TCF20: variants seen among roughly 807,000 people sequenced by gnomAD.
TCF20 encodes SPRE-binding protein.
Under a neutral mutation model 148.6 loss-of-function variants are expected in TCF20, and 3 were observed. The ratio of observed to expected loss-of-function variants is 0.02; its 90% confidence interval spans 0.01 to 0.05. The LOEUF (loss-of-function observed/expected upper bound fraction) is 0.05, where lower values mean the gene tolerates loss of function less well. TCF20 is among the 10% of genes least tolerant of loss of function. The pLI is 1.00. For missense variants in TCF20, 2,350 were observed against 2,429.3 expected (o/e 0.97, Z 0.69); for synonymous variants, 1,049 against 909.5 (o/e 1.15, Z -2.76).
intron 1 of TCF20, among the ~76,000 whole-genome samples, chr22:42,243,661 T>C (rs564270698): frequency 1.3e-5 from 2 of 152,200 alleles, no homozygotes; most frequent in African/African-American, 4.8e-5. Context: ...AAAATATCAA[T>C]ACTGTATATC....
At chr22:42,343,002 T>C (rs1423630703) in intron 1 of TCF20, among the ~76,000 whole-genome samples, 3 of 152,204 alleles carry the variant, frequency 2.0e-5, no homozygotes, top group East Asian at 1.9e-4. Flanking sequence ...AGAGCAAGGC[T>C]GAAATAAAAA....
At chr22:42,332,770 G>A (rs1169305108) in intron 1 of TCF20, among the ~76,000 whole-genome samples, 4 of 152,212 alleles carry the variant, frequency 2.6e-5, no homozygotes, top group Non-Finnish European at 4.4e-5. Flanking sequence ...GCCCCGCACA[G>A]CCAATTTCTG....
At chr22:42,244,906 C>T (rs1924776930) in intron 1 of TCF20, among the ~76,000 whole-genome samples, 1 of 145,878 alleles carries the variant, frequency 6.9e-6, no homozygotes, top group Non-Finnish European at 1.5e-5. Flanking sequence ...ATGGCGAAAC[C>T]CCATCTCTAC....
chr22:42,197,727 G>A (rs1300840209), intron 2 of TCF20, among the ~76,000 whole-genome samples: 2 of 152,154 alleles, frequency 1.3e-5, no homozygotes, highest in African/African-American at 4.8e-5. Flanking sequence ...TTCAGGCTAT[G>A]AGAAATAGGT....
chr22:42,225,602 C>CA (rs1213968620), intron 1 of TCF20, among the ~76,000 whole-genome samples: 2 of 128,038 alleles, frequency 1.6e-5, no homozygotes, highest in African/African-American at 6.1e-5. Context: ...GCCTGGGCGA[C>CA]AGAGCGAGAC....
At chr22:42,181,338 C>T (rs1227613203) in intron 2 of TCF20, among the ~76,000 whole-genome samples, 1 of 152,088 alleles carries the variant, frequency 6.6e-6, no homozygotes, top group Non-Finnish European at 1.5e-5. Flanking sequence ...CGTATGCCAC[C>T]ACGCCAGGCT....
upstream of TCF20, among the ~76,000 whole-genome samples, chr22:42,271,814 C>T (rs1323947651): frequency 6.6e-6 from 1 of 152,200 alleles, no homozygotes; most frequent in Non-Finnish European, 1.5e-5. Context: ...GTGCTTCCGG[C>T]AGCAGGTGGG....
At chr22:42,311,324 G>C (rs1927533370) in intron 1 of TCF20, among the ~76,000 whole-genome samples, 1 of 152,264 alleles carries the variant, frequency 6.6e-6, no homozygotes, top group African/African-American at 2.4e-5. Flanking sequence ...AGGGGACTGG[G>C]GGGAAGGGCA....
chr22:42,216,303 T>A (rs2147229783), intron 1 of TCF20, among the ~76,000 whole-genome samples: 1 of 152,198 alleles, frequency 6.6e-6, no homozygotes, highest in East Asian at 1.9e-4. Flanking sequence ...GTTTTAACAC[T>A]GGCTGCTGAT....
intron 1 of TCF20, among the ~76,000 whole-genome samples, chr22:42,235,297 C>T (rs191397000): frequency 5.8e-4 from 89 of 152,270 alleles, no homozygotes; most frequent in Non-Finnish European, 1.1e-3. Context: ...CTGTCTTTCC[C>T]AAGAGATTTG....
chr22:42,222,149 T>G (rs1922437893), intron 1 of TCF20, among the ~76,000 whole-genome samples: 1 of 152,226 alleles, frequency 6.6e-6, no homozygotes, highest in Admixed American at 6.5e-5. Context: ...TGTAATCATT[T>G]CTAAAAGACA....
At chr22:42,332,974 T>C (rs542218078) in intron 1 of TCF20, among the ~76,000 whole-genome samples, 2 of 152,306 alleles carry the variant, frequency 1.3e-5, no homozygotes, top group Admixed American at 1.3e-4. Context: ...GGGGATGTTC[T>C]AGGTCTGGAT....
intron 3 of TCF20, among the ~76,000 whole-genome samples, chr22:42,174,226 A>G (rs1317246648): frequency 6.6e-6 from 1 of 152,210 alleles, no homozygotes; most frequent in Non-Finnish European, 1.5e-5. Context: ...TACATTAAAA[A>G]AAAAAATTCA....
chr22:42,213,323 T>C lies in TCF20; in HGVS notation c.1983A>G (p.Gly661=). ...SLPQPEPPGG[G]GSKGNKNGDN... is the part of the protein sequence containing the mutation. ...CGCCATTCTTGTTTCCTTTGCTCCC[T>C]CCTCCTCCTGGAGGCTCTGGCTGGG... The change falls in exon 2 of 6, where the codon GGA becomes GGG. Residue 661 remains glycine, a synonymous_variant. Coordinates refer to ENST00000677622, the MANE Select transcript of TCF20 (RefSeq NM_001378418.1). 1 of 1,614,154 alleles carries C rather than the reference T, an allele frequency of 6.2e-7. No individual in the cohort carries two copies. The highest frequency in any genetic ancestry group is 1.3e-5 in the African/African-American group (1 of 75,034).
At chr22:42,324,205 A>ATGGTGGTGG (rs200276389) in intron 1 of TCF20, among the ~76,000 whole-genome samples, 1 of 122,444 alleles carries the variant, frequency 8.2e-6, no homozygotes. Flanking sequence ...GGTGGAGGTT[A>ATGGTGGTGG]TGGTGGAGGT....
At chr22:42,188,820 A>G (rs541843824) in intron 2 of TCF20, among the ~76,000 whole-genome samples, 43 of 152,342 alleles carry the variant, frequency 2.8e-4, no homozygotes, top group Non-Finnish European at 5.1e-4. Flanking sequence ...TGGGGAGCCA[A>G]AAGTTCACCT....
At chr22:42,245,419 A>G (rs111566452) in intron 1 of TCF20, among the ~76,000 whole-genome samples, 14 of 152,302 alleles carry the variant, frequency 9.2e-5, no homozygotes, top group African/African-American at 3.1e-4. Flanking sequence ...CGGCCCTGCA[A>G]AAACATGAAA....
At chr22:42,313,735 G>A (rs745828245) in intron 1 of TCF20, among the ~76,000 whole-genome samples, 2 of 152,050 alleles carry the variant, frequency 1.3e-5, no homozygotes, top group Non-Finnish European at 2.9e-5. Context: ...GAGTAGCTGG[G>A]ATTACACAAG....
chr22:42,178,768 C>T lies in TCF20; in HGVS notation c.5749+841G>A, dbSNP rs764485314. On this transcript the variant is annotated intron_variant, in intron 3 of 5. Transcript: ENST00000677622. ...CTAATTTTTGTAGTTTTAGTAGAGA[C>T]GGGGTTTCACTATTTTAGCCAGGCT... is the stretch of plus-strand genomic sequence containing the variant. Among the ~76,000 whole-genome samples the T allele has an allele frequency of 9.3e-5, 14 of 151,330 alleles. No homozygotes were observed. In the East Asian group the frequency reaches 1.2e-3, roughly 13 times the overall value.
Sources: gnomAD v4.1 joint callset for allele counts (sites outside exome capture counted in the v4.1 genomes callset) on GRCh38, gnomAD v4.1.1 for gene constraint, MANE v1.5 for transcripts, NCBI Gene and HGNC (gene_info 2026-07-23, HGNC 2026-07-21) for gene names.